KCNH5: variants seen among roughly 807,000 people sequenced by gnomAD.
KCNH5 encodes potassium voltage-gated channel subfamily H member 5.
Under a neutral mutation model 96.1 loss-of-function variants are expected in KCNH5, and 46 were observed. The ratio of observed to expected loss-of-function variants is 0.48; its 90% CI spans 0.38 to 0.61. The LOEUF (loss-of-function observed/expected upper bound fraction) is 0.61, where lower values mean the gene tolerates loss of function less well. KCNH5 is among the 20% of genes least tolerant of loss of function. KCNH5 has a pLI of 0.00. For synonymous variants in KCNH5, 439 were observed against 449.8 expected (o/e 0.98, Z 0.30); for missense variants, 907 against 1,225.8 (o/e 0.74, Z 3.88).
At chr14:62,848,547 C>T (rs9323422) in intron 8 of KCNH5, among the ~76,000 whole-genome samples, 2 of 152,044 alleles carry the variant, frequency 1.3e-5, no homozygotes, top group Non-Finnish European at 2.9e-5. Context: ...GAAGGCTTCT[C>T]TCCCTCAACT....
At chr14:62,917,702 A>T (rs921562963) in intron 7 of KCNH5, among the ~76,000 whole-genome samples, 1 of 152,188 alleles carries the variant, frequency 6.6e-6, no homozygotes, top group Non-Finnish European at 1.5e-5. Flanking sequence ...TCACTGACCC[A>T]TGTTCACAAA....
At chr14:62,924,748 G>A (rs773207739) in intron 7 of KCNH5, among the ~76,000 whole-genome samples, 1 of 151,880 alleles carries the variant, frequency 6.6e-6, no homozygotes, top group Non-Finnish European at 1.5e-5. Context: ...ACTTACAAGT[G>A]GAATCTGAAA....
At chr14:62,976,750 T>C (rs914567144) in intron 6 of KCNH5, among the ~76,000 whole-genome samples, 1 of 152,134 alleles carries the variant, frequency 6.6e-6, no homozygotes, top group Non-Finnish European at 1.5e-5. Context: ...ACTGGAGGAG[T>C]ACAATGGCAT....
chr14:62,761,454 T>A (rs1885749222), intron 10 of KCNH5, among the ~76,000 whole-genome samples: 1 of 151,908 alleles, frequency 6.6e-6, no homozygotes, highest in Non-Finnish European at 1.5e-5. Context: ...TCTGTTGAGC[T>A]TCTATATTTT....
chr14:62,963,738 C>T (rs1165038941), intron 6 of KCNH5, among the ~76,000 whole-genome samples: 1 of 152,066 alleles, frequency 6.6e-6, no homozygotes, highest in South Asian at 2.1e-4. Flanking sequence ...AACAGATACA[C>T]CCAGTAACAA....
chr14:62,742,934 G>C (rs1885301547), intron 10 of KCNH5, among the ~76,000 whole-genome samples: 1 of 152,140 alleles, frequency 6.6e-6, no homozygotes, highest in African/African-American at 2.4e-5. Context: ...CATGATTCAT[G>C]TACACAGCAG....
At chr14:62,870,206 C>CG (rs1888225236) in intron 7 of KCNH5, among the ~76,000 whole-genome samples, 2 of 152,210 alleles carry the variant, frequency 1.3e-5, no homozygotes, top group Non-Finnish European at 2.9e-5. Flanking sequence ...ACAAATTAGC[C>CG]TCCACTGGTT....
chr14:62,835,369 G>A (rs1817528495), intron 8 of KCNH5, among the ~76,000 whole-genome samples: 1 of 151,758 alleles, frequency 6.6e-6, no homozygotes, highest in Admixed American at 6.6e-5. Flanking sequence ...TATTTTAAGA[G>A]GTCATTCTTA....
chr14:62,877,946 A>C (rs1369238543), intron 7 of KCNH5, among the ~76,000 whole-genome samples: 2 of 151,832 alleles, frequency 1.3e-5, no homozygotes, highest in Non-Finnish European at 2.9e-5. Flanking sequence ...GAACCAACCC[A>C]AATGTCCAAC....
intron 4 of KCNH5, among the ~76,000 whole-genome samples, chr14:62,990,182 C>T (rs987464489): frequency 1.3e-5 from 2 of 151,852 alleles, no homozygotes; most frequent in African/African-American, 4.8e-5. Context: ...TAAACAAATA[C>T]AAATCATCAA....
chr14:62,795,871 G>T (rs1046152910), intron 9 of KCNH5, among the ~76,000 whole-genome samples: 2 of 151,960 alleles, frequency 1.3e-5, no homozygotes, highest in Non-Finnish European at 1.5e-5. Context: ...GGCAATAAGG[G>T]AAAAATAAAA....
At chr14:62,757,611 CAA>C (rs533610629) in intron 10 of KCNH5, among the ~76,000 whole-genome samples, 5 of 119,176 alleles carry the variant, frequency 4.2e-5, no homozygotes, top group Non-Finnish European at 3.5e-5. Flanking sequence ...ACTATTCAGC[CAA>C]AAAAAAAAAA....
intron 8 of KCNH5, among the ~76,000 whole-genome samples, chr14:62,810,887 T>G (rs1826137): frequency 0.41 from 61,763 of 151,824 alleles, 13,171 homozygotes; most frequent in East Asian, 0.67. Context: ...CTTTCTTGCA[T>G]GAGATCCAAG....
chr14:62,974,057 T>C (rs2055726021), intron 6 of KCNH5, among the ~76,000 whole-genome samples: 2 of 152,134 alleles, frequency 1.3e-5, no homozygotes, highest in Admixed American at 1.3e-4. Context: ...GCATAATTCA[T>C]GACAAAACAA....
intron 8 of KCNH5, among the ~76,000 whole-genome samples, chr14:62,820,261 T>A (rs1251315521): frequency 1.3e-5 from 2 of 152,188 alleles, no homozygotes; most frequent in Non-Finnish European, 2.9e-5. Flanking sequence ...TAATTAACTT[T>A]ATGAATTGTG....
At chr14:62,721,530 C>G (rs1316983208) in intron 10 of KCNH5, among the ~76,000 whole-genome samples, 2 of 150,630 alleles carry the variant, frequency 1.3e-5, no homozygotes, top group Non-Finnish European at 3.0e-5. Flanking sequence ...CTTTCTATGG[C>G]AAATAGATTG....
chr14:62,947,191 G>C (rs1456777543), intron 7 of KCNH5, among the ~76,000 whole-genome samples: 2 of 151,972 alleles, frequency 1.3e-5, no homozygotes, highest in African/African-American at 4.8e-5. Context: ...AAAACAAAAA[G>C]GTTTTCTTTT....
chr14:62,837,848 G>A (rs1367927062), intron 8 of KCNH5, among the ~76,000 whole-genome samples: 1 of 152,152 alleles, frequency 6.6e-6, no homozygotes, highest in East Asian at 1.9e-4. Context: ...GATTAAACAA[G>A]TGAAGTCTCT....
At chr14:62,727,599 T>A (rs1402432527) in intron 10 of KCNH5, among the ~76,000 whole-genome samples, 2 of 152,212 alleles carry the variant, frequency 1.3e-5, no homozygotes, top group South Asian at 4.2e-4. Flanking sequence ...TAAGTGTTTG[T>A]CCCATCCCCA....
Sources: gnomAD v4.1 joint callset for allele counts (sites outside exome capture counted in the v4.1 genomes callset) on GRCh38, gnomAD v4.1.1 for gene constraint, MANE v1.5 for transcripts, NCBI Gene and HGNC (gene_info 2026-07-23, HGNC 2026-07-21) for gene names.